The following TANC2 variants were observed in gnomAD, a reference collection of about 807,000 sequenced individuals.
The protein encoded by TANC2 is protein TANC2.
Under a neutral mutation model 210.5 loss-of-function variants are expected in TANC2, and 26 were observed. That is an observed-to-expected ratio of 0.12 (90% CI 0.09 to 0.17). The LOEUF is 0.17. TANC2 is among the 10% of genes least tolerant of loss of function. The pLI, the probability that TANC2 is intolerant of heterozygous loss-of-function variation, is 1.00. For synonymous variants in TANC2, 931 were observed against 967.1 expected, an observed-to-expected ratio of 0.96 and a Z score of 0.69; for missense variants, 2,129 against 2,608.9, an observed-to-expected ratio of 0.82 and a Z score of 4.01.
exon 28 of TANC2, chr17:63,422,131 G>A (rs1013110584): frequency 1.2e-5 from 9 of 726,414 alleles, no homozygotes; most frequent in Non-Finnish European, 1.7e-5. Flanking sequence ...GCGGCCTCCC[G>A]GGAGCCAGGA....
At chr17:62,998,489 G>A (rs2033221666) in intron 1 of TANC2, among the ~76,000 whole-genome samples, 1 of 152,154 alleles carries the variant, frequency 6.6e-6, no homozygotes, top group Non-Finnish European at 1.5e-5. Context: ...AGAAAAAAAT[G>A]TTAAAGGCAG....
chr17:63,080,356 G>T (rs2036728713), intron 3 of TANC2, among the ~76,000 whole-genome samples: 1 of 152,142 alleles, frequency 6.6e-6, no homozygotes, highest in Admixed American at 6.5e-5. Context: ...CATTAAGTGG[G>T]TAGATGAACC....
intron 5 of TANC2, among the ~76,000 whole-genome samples, chr17:63,190,594 A>G (rs1417139241): frequency 6.6e-6 from 1 of 152,172 alleles, no homozygotes; most frequent in African/African-American, 2.4e-5. Flanking sequence ...TAAGGGAAGA[A>G]GGAAAGGAAG....
chr17:63,364,410 C>A (rs1405911842), intron 14 of TANC2, among the ~76,000 whole-genome samples: 1 of 152,020 alleles, frequency 6.6e-6, no homozygotes, highest in African/African-American at 2.4e-5. Flanking sequence ...AATTAGAATT[C>A]TTCTCCAAAC....
At chr17:63,115,136 C>T (rs958462222) in intron 4 of TANC2, among the ~76,000 whole-genome samples, 1 of 152,072 alleles carries the variant, frequency 6.6e-6, no homozygotes, top group Non-Finnish European at 1.5e-5. Flanking sequence ...AAAGTCACAA[C>T]TGAAGAGAAT....
intron 1 of TANC2, among the ~76,000 whole-genome samples, chr17:62,987,540 T>TA (rs1158740921): frequency 6.6e-6 from 1 of 152,088 alleles, no homozygotes; most frequent in African/African-American, 2.4e-5. Context: ...GGACTGTAGA[T>TA]ATTTGTGGTG....
intron 11 of TANC2, among the ~76,000 whole-genome samples, chr17:63,336,556 C>T (rs2046035860): frequency 6.6e-6 from 1 of 152,292 alleles, no homozygotes; most frequent in South Asian, 2.1e-4. Flanking sequence ...GCTGTATTGA[C>T]TTCTAGTCTT....
At chr17:63,408,802 C>G (rs1449237432) in intron 21 of TANC2, among the ~76,000 whole-genome samples, 1 of 152,182 alleles carries the variant, frequency 6.6e-6, no homozygotes. Context: ...CGAATCCTGT[C>G]CAGCTGAGGG....
chr17:63,358,372 A>AGTGTGTGT (rs1377701936), intron 14 of TANC2, among the ~76,000 whole-genome samples: 9 of 114,994 alleles, frequency 7.8e-5, no homozygotes, highest in African/African-American at 3.6e-4. Context: ...AGAGAGAGAG[A>AGTGTGTGT]GAGAGTATGT....
intron 11 of TANC2, among the ~76,000 whole-genome samples, chr17:63,338,364 G>C (rs1390659861): frequency 3.3e-5 from 5 of 152,102 alleles, no homozygotes; most frequent in African/African-American, 1.2e-4. Context: ...GTAAAATAAT[G>C]CTTTTTCTAA....
rs929744173 is a variant in TANC2 at position 63,130,076 on chromosome 17, A to G, written c.323-21194A>G. ...ATAATCACCACCTTATCTTTTCTTTATAGTAATCTTCTTATAGATGTATAG... is the reference window on the plus strand; with the variant it reads ...ATAATCACCACCTTATCTTTTCTTTGTAGTAATCTTCTTATAGATGTATAG... On this transcript the variant is annotated intron_variant, in intron 4 of 27. Transcript: ENST00000689528. 2.6e-5 allele frequency among the ~76,000 whole-genome samples: 4 copies of G among 152,314 alleles called. No individual in the cohort carries two copies. The South Asian group carries it at 8.3e-4, about 32-fold the overall frequency.
intron 4 of TANC2, among the ~76,000 whole-genome samples, chr17:63,122,565 C>T (rs551379145): frequency 5.9e-5 from 9 of 151,920 alleles, no homozygotes; most frequent in Non-Finnish European, 1.0e-4. Flanking sequence ...GGTGAAACCC[C>T]GTCTCTACTA....
chr17:63,072,359 A>G (rs1271090555), intron 2 of TANC2, among the ~76,000 whole-genome samples: 3 of 152,128 alleles, frequency 2.0e-5, no homozygotes, highest in East Asian at 1.9e-4. Flanking sequence ...TTTAATTTCA[A>G]CAGAGGCAGA....
chr17:62,998,665 T>A (rs532986255), intron 1 of TANC2, among the ~76,000 whole-genome samples: 1 of 152,144 alleles, frequency 6.6e-6, no homozygotes, highest in Non-Finnish European at 1.5e-5. Context: ...GCTTCATAAG[T>A]GAAGGAGAAA....
At chr17:63,013,788 T>G (rs1034611570) in intron 2 of TANC2, among the ~76,000 whole-genome samples, 1 of 97,720 alleles carries the variant, frequency 1.0e-5, no homozygotes, top group Non-Finnish European at 2.2e-5. Context: ...AAAAAAAAAA[T>G]CTTTATCATC....
At chr17:63,156,412 T>C (rs537430696) in intron 5 of TANC2, among the ~76,000 whole-genome samples, 56 of 143,764 alleles carry the variant, frequency 3.9e-4, no homozygotes, top group African/African-American at 1.4e-3. Context: ...ATTGTAAAGG[T>C]TGAAATGGAA....
At chr17:63,243,645 A>G (rs940091937) in intron 8 of TANC2, among the ~76,000 whole-genome samples, 2 of 152,238 alleles carry the variant, frequency 1.3e-5, no homozygotes, top group African/African-American at 4.8e-5. Context: ...TCACACTTCT[A>G]TAATTATAGA....
chr17:63,260,310 A>T (rs2043319276), intron 8 of TANC2, among the ~76,000 whole-genome samples: 1 of 152,224 alleles, frequency 6.6e-6, no homozygotes, highest in African/African-American at 2.4e-5. Flanking sequence ...GCAGCTAGTA[A>T]GTATTTTAGG....
At chr17:63,378,291 G>A (rs1207799350) in intron 14 of TANC2, among the ~76,000 whole-genome samples, 3 of 151,736 alleles carry the variant, frequency 2.0e-5, no homozygotes, top group Non-Finnish European at 2.9e-5. Flanking sequence ...GATTTCTTTC[G>A]TGAATGTAAA....
Sources: allele counts gnomAD v4.1 joint callset (sites outside exome capture counted in the v4.1 genomes callset), GRCh38; gene constraint gnomAD v4.1.1; transcripts MANE v1.5; gene names NCBI Gene and HGNC (gene_info 2026-07-23, HGNC 2026-07-21).